Variants in LRTM1 observed in about 807,000 individuals in gnomAD.
LRTM1 encodes leucine-rich repeat and transmembrane domain-containing protein 1.
Under a neutral mutation model 32.4 loss-of-function variants are expected in LRTM1, and 38 were observed. The ratio of observed to expected loss-of-function variants is 1.17; its 90% CI spans 0.91 to 1.54. The LOEUF (loss-of-function observed/expected upper bound fraction) is 1.54, where lower values mean the gene tolerates loss of function less well. Ranked by LOEUF, LRTM1 falls within the 40% of genes most tolerant of loss-of-function variation. The pLI is 0.00. For synonymous variants in LRTM1, 186 were observed against 169.9 expected, an observed-to-expected ratio of 1.09 and a Z score of -0.74; for missense variants, 466 against 415.4, an observed-to-expected ratio of 1.12 and a Z score of -1.06.
At chr3:54,950,382 T>G (rs1250953229) in intron 1 of LRTM1, among the ~76,000 whole-genome samples, 3 of 152,198 alleles carry the variant, frequency 2.0e-5, no homozygotes, top group African/African-American at 4.8e-5. Context: ...TCCTTGCTCT[T>G]TTACTCTTTG....
chr3:54,946,500 G>T (rs1701618478), intron 1 of LRTM1, among the ~76,000 whole-genome samples: 1 of 152,178 alleles, frequency 6.6e-6, no homozygotes, highest in African/African-American at 2.4e-5. Context: ...GGGGATGTGA[G>T]GGCCGTTAGC....
intron 1 of LRTM1, among the ~76,000 whole-genome samples, chr3:54,957,172 T>TGC (rs1701919202): frequency 2.6e-5 from 4 of 152,132 alleles, no homozygotes; most frequent in African/African-American, 7.2e-5. Flanking sequence ...TTTTCTTTTT[T>TGC]TTTTTTTTAG....
rs538927294 is a variant in LRTM1, at chr3:54,960,431, A to G, written c.-222+6497T>C. Among the ~76,000 whole-genome samples, 6 of 152,328 alleles carry G rather than the reference A, an allele frequency of 3.9e-5. No individual in the cohort carries two copies. In the South Asian group the frequency reaches 6.2e-4, roughly 16 times the overall value. On this transcript the variant is annotated intron_variant, in intron 1 of 2. Coordinates refer to the LRTM1 transcript ENST00000493075. ...AAATACCTCCTCCCCTTTTATCATT[A>G]TATTTCTTCACTTGCACTAGGCTAA...
chr3:54,922,338 A>G (rs1261779344), intron 2 of LRTM1, among the ~76,000 whole-genome samples: 2 of 147,302 alleles, frequency 1.4e-5, no homozygotes, highest in Non-Finnish European at 3.0e-5. Flanking sequence ...TTTTTTTTTT[A>G]ATCAAGAAAT....
At chr3:54,921,126 C>A (rs1036009455) in intron 2 of LRTM1, among the ~76,000 whole-genome samples, 4 of 152,188 alleles carry the variant, frequency 2.6e-5, no homozygotes, top group Admixed American at 1.3e-4. Context: ...ATGTAACTGA[C>A]AATGCAAGAA....
chr3:54,953,585 T>TG (rs1701811079), intron 1 of LRTM1, among the ~76,000 whole-genome samples: 1 of 152,220 alleles, frequency 6.6e-6, no homozygotes, highest in African/African-American at 2.4e-5. Flanking sequence ...AGCCACTTCT[T>TG]GCAATACTTG....
upstream of LRTM1, among the ~76,000 whole-genome samples, chr3:54,932,295 A>G (rs564768413): frequency 6.6e-6 from 1 of 152,374 alleles, no homozygotes; most frequent in East Asian, 1.9e-4. Flanking sequence ...AGCATATTGT[A>G]TAATCCCATT....
intron 1 of LRTM1, among the ~76,000 whole-genome samples, chr3:54,948,495 C>A: frequency 6.6e-6 from 1 of 152,180 alleles, no homozygotes; most frequent in East Asian, 1.9e-4. Context: ...CTAGTATGGG[C>A]AAAGGTAGCA....
chr3:54,932,319 G>A (rs969660424), upstream of LRTM1, among the ~76,000 whole-genome samples: 1 of 152,152 alleles, frequency 6.6e-6, no homozygotes, highest in Non-Finnish European at 1.5e-5. Context: ...ATTCAAAAAA[G>A]TGTTAGAGAT....
intron 1 of LRTM1, among the ~76,000 whole-genome samples, chr3:54,943,281 C>A (rs1302524732): frequency 6.6e-6 from 1 of 151,972 alleles, no homozygotes; most frequent in Non-Finnish European, 1.5e-5. Flanking sequence ...CATTCCCAAC[C>A]CCTATTCTCA....
upstream of LRTM1, among the ~76,000 whole-genome samples, chr3:54,928,393 C>T (rs1017487045): frequency 7.9e-5 from 12 of 152,132 alleles, no homozygotes; most frequent in Admixed American, 5.9e-4. Flanking sequence ...TTAACCATGC[C>T]GGGTCACCCC....
intron 1 of LRTM1, among the ~76,000 whole-genome samples, chr3:54,945,065 G>A (rs1294594334): frequency 6.6e-6 from 1 of 152,170 alleles, no homozygotes; most frequent in African/African-American, 2.4e-5. Flanking sequence ...TCTAGGCCTT[G>A]TTTGGGGGCT....
rs533596688 is a variant in LRTM1, at chr3:54,918,332, CTTTT to C, written c.*123_*126del. ...TTTTACAGACACATCTTTTTTTTTT[CTTTT>C]TTTTTTTTTTTTTTTTTTTGTCTTT... On this transcript the variant is annotated 3_prime_UTR_variant, in exon 3 of 3. Coordinates refer to ENST00000273286, the MANE Select transcript of LRTM1 (RefSeq NM_020678.4). 0.17 allele frequency: 39,595 copies of C among 227,830 alleles called. 1,042 individuals carry two copies. The highest frequency in any genetic ancestry group is 0.24 in the East Asian group (3,516 of 14,470). The allele number at this position is 227,830 out of a possible 1,614,324, so 14.1% of individuals were successfully genotyped here.
intron 1 of LRTM1, among the ~76,000 whole-genome samples, chr3:54,935,772 T>A (rs1701312944): frequency 6.6e-6 from 1 of 152,222 alleles, no homozygotes; most frequent in African/African-American, 2.4e-5. Flanking sequence ...TGTATGTATA[T>A]CATGAAGCAA....
chr3:54,958,307 T>C (rs1181210783), intron 1 of LRTM1, among the ~76,000 whole-genome samples: 2 of 152,210 alleles, frequency 1.3e-5, no homozygotes, highest in Admixed American at 6.5e-5. Flanking sequence ...GCAGGAGGAC[T>C]GCCTGAGCCC....
rs1393602933 is a variant in LRTM1 at position 54,927,627 on chromosome 3, T to C, written c.7+278A>G. 2.0e-5 allele frequency among the ~76,000 whole-genome samples: 3 copies of C among 152,310 alleles called. No homozygotes were observed. In the East Asian group the frequency reaches 5.8e-4, roughly 29 times the overall value. ...TCCACTTTTCCCCCCAAAGGAATAATATACGAACTCCAACTACAAGCACCA... is the reference window on the plus strand; with the variant it reads ...TCCACTTTTCCCCCCAAAGGAATAACATACGAACTCCAACTACAAGCACCA... On this transcript the variant is annotated intron_variant, in intron 1 of 2. Transcript: ENST00000273286.
chr3:54,964,409 A>AT (rs35654800), intron 1 of LRTM1, among the ~76,000 whole-genome samples: 2,300 of 150,214 alleles, frequency 0.015, 58 homozygotes, highest in African/African-American at 0.053. Flanking sequence ...AGGAATGGTG[A>AT]TTTTTTTTTT....
chr3:54,938,212 G>A (rs1473236765), intron 1 of LRTM1, among the ~76,000 whole-genome samples: 1 of 152,226 alleles, frequency 6.6e-6, no homozygotes, highest in Non-Finnish European at 1.5e-5. Flanking sequence ...CCCTGCTGGG[G>A]CTCCAGTACT....
At chr3:54,965,393 C>A (rs114390688) in intron 1 of LRTM1, among the ~76,000 whole-genome samples, 2 of 152,268 alleles carry the variant, frequency 1.3e-5, no homozygotes, top group Non-Finnish European at 2.9e-5. Context: ...TTACTGTTTC[C>A]TCCATTTGGA....
Sources: gnomAD v4.1 joint callset for allele counts (sites outside exome capture counted in the v4.1 genomes callset) on GRCh38, gnomAD v4.1.1 for gene constraint, MANE v1.5 for transcripts, NCBI Gene and HGNC (gene_info 2026-07-23, HGNC 2026-07-21) for gene names.